The following ZNF726 variants were observed in gnomAD, a reference collection of about 807,000 sequenced individuals.
ZNF726 encodes the protein zinc finger protein 726.
A neutral mutation model predicts 11.6 loss-of-function variants in ZNF726; 15 were observed. The ratio of observed to expected loss-of-function variants is 1.29; its 90% CI spans 0.86 to 1.99. The LOEUF (loss-of-function observed/expected upper bound fraction) is 1.99. ZNF726 is among the 30% of genes most tolerant of loss of function. The pLI is 0.00. For synonymous variants in ZNF726, 295 were observed against 243.6 expected (o/e 1.21, Z -1.96); for missense variants, 890 against 725.6 (o/e 1.23, Z -2.60).
intron 3 of ZNF726, among the ~76,000 whole-genome samples, chr19:23,931,801 CT>C (rs1968111265): frequency 6.6e-6 from 1 of 152,078 alleles, no homozygotes; most frequent in African/African-American, 2.4e-5. Flanking sequence ...TGTTCCTTTT[CT>C]GTGGTACTGC....
At chr19:23,937,013 C>T (rs1968245313), downstream of ZNF726, among the ~76,000 whole-genome samples, 1 of 151,808 alleles carries the variant, frequency 6.6e-6, no homozygotes, top group African/African-American at 2.4e-5. Flanking sequence ...AGAGGGGCTC[C>T]TCACTTCCCA....
At chr19:23,923,968 A>G (rs1287361251) in intron 3 of ZNF726, 1 of 151,984 alleles carries the variant, frequency 6.6e-6, no homozygotes, top group East Asian at 1.9e-4. Context: ...CAGTCAAATT[A>G]TATATATGTG....
intron 3 of ZNF726, chr19:23,920,943 A>G (rs1321609058): frequency 6.6e-6 from 1 of 152,138 alleles, no homozygotes; most frequent in East Asian, 1.9e-4. Flanking sequence ...TGTCCACTCT[A>G]CTGCTGTGTC....
chr19:23,920,387 A>G (rs1443549787), intron 3 of ZNF726: 1 of 185,146 alleles, frequency 5.4e-6, no homozygotes, highest in Non-Finnish European at 1.1e-5. Flanking sequence ...GGACAGATAG[A>G]TATCTGCATA....
At chr19:23,944,015 A>C (rs1968379553) in intron 4 of ZNF726, 1 of 152,852 alleles carries the variant, frequency 6.5e-6, no homozygotes, top group Non-Finnish European at 1.5e-5. Context: ...CAGGAACATC[A>C]ATGACAGAGG....
At chr19:23,940,661 AT>A (rs1568383994) in intron 3 of ZNF726, among the ~76,000 whole-genome samples, 1 of 152,094 alleles carries the variant, frequency 6.6e-6, no homozygotes, top group East Asian at 1.9e-4. Flanking sequence ...CATCTATGAT[AT>A]CTTTCAGCAG....
chr19:23,915,129 G>A (rs1967664936), intron 1 of ZNF726, 132 bp downstream of exon 1: 13 of 1,379,282 alleles, frequency 9.4e-6, no homozygotes, highest in South Asian at 1.2e-5. Context: ...TGCCCAGCTC[G>A]GCCTCAGTCC....
chr19:23,921,297 A>G (rs1967845394), intron 3 of ZNF726: 1 of 124,090 alleles, frequency 8.1e-6, no homozygotes, highest in African/African-American at 3.0e-5. Flanking sequence ...CTCTCTCTCG[A>G]TGTATATATA....
intron 4 of ZNF726, chr19:23,944,700 A>T (rs1363259824): frequency 9.9e-6 from 2 of 201,770 alleles, no homozygotes; most frequent in Non-Finnish European, 1.9e-5. Context: ...TATAATAAAT[A>T]ATAATACAAT....
At chr19:23,944,008 G>A (rs1968379429) in intron 4 of ZNF726, 2 of 152,884 alleles carry the variant, frequency 1.3e-5, no homozygotes, top group Admixed American at 1.3e-4. Flanking sequence ...GAAATCTCAG[G>A]AACATCAATG....
intron 3 of ZNF726, among the ~76,000 whole-genome samples, chr19:23,925,098 C>T (rs919875491): frequency 2.0e-5 from 3 of 152,154 alleles, no homozygotes; most frequent in Non-Finnish European, 4.4e-5. Flanking sequence ...TAAGTGAAAT[C>T]GTAACATCCA....
At chr19:23,931,657 G>T (rs1260748889) in intron 3 of ZNF726, among the ~76,000 whole-genome samples, 2 of 152,126 alleles carry the variant, frequency 1.3e-5, no homozygotes, top group African/African-American at 4.8e-5. Flanking sequence ...GAAAACAATT[G>T]TCTTGGCTCA....
At chr19:23,937,844 G>T (rs940945969), downstream of ZNF726, among the ~76,000 whole-genome samples, 1 of 152,226 alleles carries the variant, frequency 6.6e-6, no homozygotes, top group Non-Finnish European at 1.5e-5. Context: ...CTGCACTCCA[G>T]CCTGGGCACC....
At chr19:23,936,587 A>G (rs1968234906), downstream of ZNF726, among the ~76,000 whole-genome samples, 1 of 152,126 alleles carries the variant, frequency 6.6e-6, no homozygotes, top group Non-Finnish European at 1.5e-5. Flanking sequence ...AAGGACATTA[A>G]AATGTAAGAT....
intron 3 of ZNF726, among the ~76,000 whole-genome samples, chr19:23,925,713 C>CTTTTTTTTTTTT (rs1207103965): frequency 3.6e-5 from 4 of 112,610 alleles, no homozygotes; most frequent in East Asian, 2.4e-4. Context: ...TTTTTCTTTT[C>CTTTTTTTTTTTT]TTTTTTTTTT....
chr19:23,925,732 T>G (rs1162278761), intron 3 of ZNF726, among the ~76,000 whole-genome samples: 5 of 135,404 alleles, frequency 3.7e-5, no homozygotes, highest in Non-Finnish European at 7.8e-5. Flanking sequence ...TTTTTTTTTT[T>G]GGGAGATGAA....
At chr19:23,944,448 A>G (rs1599480337) in intron 4 of ZNF726, 1 of 152,868 alleles carries the variant, frequency 6.5e-6, no homozygotes, top group African/African-American at 2.4e-5. Context: ...TGTGTTGGCT[A>G]TTTGCATGTC....
intron 3 of ZNF726, chr19:23,920,345 G>A (rs565377361): frequency 2.7e-4 from 55 of 201,536 alleles, no homozygotes; most frequent in African/African-American, 1.2e-3. Flanking sequence ...ATAAAAGAGT[G>A]TACAATCTGA....
At chr19:23,937,035 T>C (rs906880488), downstream of ZNF726, among the ~76,000 whole-genome samples, 17 of 149,952 alleles carry the variant, frequency 1.1e-4, no homozygotes, top group Admixed American at 5.3e-4. Flanking sequence ...TAGGGGCGGC[T>C]GGGCAGAGGC....
Sources: gnomAD v4.1 joint callset for allele counts (sites outside exome capture counted in the v4.1 genomes callset) on GRCh38, gnomAD v4.1.1 for gene constraint, MANE v1.5 for transcripts, NCBI Gene and HGNC (gene_info 2026-07-23, HGNC 2026-07-21) for gene names.